ADAMTS20: variants seen among roughly 807,000 people sequenced by gnomAD.
ADAMTS20 encodes the protein ADAM metallopeptidase with thrombospondin type 1 motif 20, also known as A disintegrin and metalloproteinase with thrombospondin motifs 20.
Under a neutral mutation model 260.1 loss-of-function variants are expected in ADAMTS20, and 225 were observed. The observed-to-expected ratio is 0.87, with a 90% CI of 0.78 to 0.97. The LOEUF is 0.97. Ranked by LOEUF, ADAMTS20 falls within the 50% of genes least tolerant of loss-of-function variation. The probability of loss-of-function intolerance (pLI) is 0.00; values close to 1 mark genes in which losing one functional copy is unlikely to be tolerated. For missense variants in ADAMTS20, 2,400 were observed against 2,337.7 expected (o/e 1.03, Z -0.55); for synonymous variants, 802 against 769.5 (o/e 1.04, Z -0.70).
chr12:43,508,252 T>C (rs1942873669), intron 3 of ADAMTS20, among the ~76,000 whole-genome samples: 1 of 152,186 alleles, frequency 6.6e-6, no homozygotes, highest in Non-Finnish European at 1.5e-5. Flanking sequence ...TAAAAAAGCA[T>C]AAATTTTTAA....
intron 3 of ADAMTS20, among the ~76,000 whole-genome samples, chr12:43,513,076 T>G (rs1942947427): frequency 6.6e-6 from 1 of 152,134 alleles, no homozygotes; most frequent in Non-Finnish European, 1.5e-5. Context: ...GGCTTTTGGC[T>G]CTACTTAGAA....
At chr12:43,519,244 A>G (rs895499218) in intron 3 of ADAMTS20, among the ~76,000 whole-genome samples, 6 of 152,238 alleles carry the variant, frequency 3.9e-5, no homozygotes, top group Admixed American at 1.3e-4. Flanking sequence ...TTATGTATTC[A>G]TAATTTTCTA....
intron 36 of ADAMTS20, among the ~76,000 whole-genome samples, chr12:43,373,672 T>C (rs903068972): frequency 9.2e-5 from 3 of 32,754 alleles, no homozygotes; most frequent in East Asian, 3.1e-3. Flanking sequence ...TATCATCTCT[T>C]TTTTTTTTTT....
chr12:43,455,758 G>C (rs1345929852), intron 11 of ADAMTS20, among the ~76,000 whole-genome samples: 1 of 149,750 alleles, frequency 6.7e-6, no homozygotes, highest in African/African-American at 2.5e-5. Context: ...ACCCAGGCTA[G>C]AGTGCAGTGG....
At chr12:43,538,655 CAT>C (rs1363798456) in intron 2 of ADAMTS20, among the ~76,000 whole-genome samples, 2 of 152,144 alleles carry the variant, frequency 1.3e-5, no homozygotes, top group African/African-American at 4.8e-5. Context: ...TTTGAAGTAA[CAT>C]ATATTTTAAA....
At position 43,502,357 on chromosome 12, in the gene ADAMTS20, A is replaced by G. The variant is rs1942780900; in HGVS notation, c.662T>C (p.Met221Thr). Residue 221 changes from methionine to threonine, a missense_variant, in exon 4 of 39, where the codon ATG (methionine) becomes ACG (threonine). By Grantham distance (81) the Met-to-Thr change is moderately conservative. Transcript: ENST00000389420. ...TTTCATTACATTAAGATCTTCATTCATGTTGCTGTAGGTATGAAAGGGTAA... is the reference window on the plus strand; with the variant it reads ...TTTCATTACATTAAGATCTTCATTCGTGTTGCTGTAGGTATGAAAGGGTAA... Reference protein sequence around the residue: ...TSLPFHTYSNMNEDLNVMKER... With the variant: ...TSLPFHTYSNTNEDLNVMKER... 3 of 1,608,394 alleles carry G rather than the reference A, an allele frequency of 1.9e-6. No homozygotes were observed. The highest frequency in any genetic ancestry group is 2.5e-6 in the Non-Finnish European group (3 of 1,178,430).
rs572870973 is a variant in ADAMTS20 at position 43,439,809 on chromosome 12, A to G, written c.2464-58T>C. Reference sequence around the variant, plus strand: ...TACATAAAAATATATTCTTGACATCATTTTATATTTGATAATGTTAAGCAC... The same window carrying G: ...TACATAAAAATATATTCTTGACATCGTTTTATATTTGATAATGTTAAGCAC... On this transcript the variant is annotated intron_variant, in intron 17 of 38. Coordinates refer to ENST00000389420, the MANE Select transcript of ADAMTS20 (RefSeq NM_025003.5). The G allele has an allele frequency of 1.3e-4, 201 of 1,554,890 alleles. No homozygotes were observed. The African/African-American group carries it at 2.4e-3, about 19-fold the overall frequency.
chr12:43,375,035 G>A (rs1197749167), intron 36 of ADAMTS20, among the ~76,000 whole-genome samples: 1 of 152,122 alleles, frequency 6.6e-6, no homozygotes, highest in African/African-American at 2.4e-5. Flanking sequence ...AGCTGGGCAT[G>A]GTGGCGTGTG....
chr12:43,544,033 T>C (rs1592118228), intron 2 of ADAMTS20, among the ~76,000 whole-genome samples: 1 of 152,088 alleles, frequency 6.6e-6, no homozygotes, highest in Non-Finnish European at 1.5e-5. Context: ...CTGATAAATA[T>C]TTGCTGAAAA....
Position 43,399,194 on chromosome 12 carries a change from C to G in ADAMTS20, c.4324G>C (p.Val1442Leu). ...SCGKGRKYREVFCIDQFQRKL... is the reference protein window; with the variant it reads ...SCGKGRKYRELFCIDQFQRKL... Reference sequence around the variant, plus strand: ...CTTTGGAATTGGTCAATGCAAAACACTTCACGGTACTTTCTACCTTTACCA... The same window carrying G: ...CTTTGGAATTGGTCAATGCAAAACAGTTCACGGTACTTTCTACCTTTACCA... The change falls in exon 29 of 39, where the codon GTG (valine) becomes CTG (leucine). Residue 1442 changes from valine to leucine, a missense_variant. By Grantham distance (32) the Val-to-Leu change is conservative (BLOSUM62 1). Transcript: ENST00000389420. 6.3e-7 allele frequency: 1 copy of G among 1,577,584 alleles called. No individual in the cohort carries two copies. Among genetic ancestry groups the G allele is most frequent in the Non-Finnish European group, 8.6e-7 (1 of 1,161,674 alleles).
At chr12:43,368,163 G>C (rs1177203647) in intron 37 of ADAMTS20, among the ~76,000 whole-genome samples, 1 of 151,990 alleles carries the variant, frequency 6.6e-6, no homozygotes, top group African/African-American at 2.4e-5. Flanking sequence ...ATGTTTTACA[G>C]ACAGAAATTT....
intron 14 of ADAMTS20, among the ~76,000 whole-genome samples, chr12:43,451,023 C>A (rs1159332527): frequency 6.6e-6 from 1 of 152,114 alleles, no homozygotes; most frequent in African/African-American, 2.4e-5. Flanking sequence ...AATATGAAAT[C>A]AAACTAAGTG....
chr12:43,371,840 C>G (rs777835013), intron 36 of ADAMTS20, among the ~76,000 whole-genome samples: 14 of 152,182 alleles, frequency 9.2e-5, no homozygotes, highest in Non-Finnish European at 1.3e-4. Flanking sequence ...TTGTCCATAA[C>G]AGCATGCACA....
chr12:43,383,622 A>T lies in ADAMTS20; in HGVS notation c.4733T>A (p.Leu1578His). 6.2e-7 allele frequency: 1 copy of T among 1,613,234 alleles called. No homozygotes were observed. The highest frequency in any genetic ancestry group is 8.5e-7 in the Non-Finnish European group (1 of 1,179,340). ...EIVYNSSTISLTSKNCRNPPC... is the reference protein window; with the variant it reads ...EIVYNSSTISHTSKNCRNPPC... ...AGGGTTCCTGCAATTCTTGGATGTA[A>T]GAGATATGGTTGAAGAATTATAGAC... Residue 1578 changes from leucine (L) to histidine (H), a missense_variant, in exon 31 of 39, where the codon CTT (leucine) becomes CAT (histidine). By Grantham distance (99) the Leu-to-His change is moderately conservative (BLOSUM62 -3). Transcript: ENST00000389420.
intron 37 of ADAMTS20, among the ~76,000 whole-genome samples, chr12:43,356,881 C>T (rs1939757977): frequency 1.3e-5 from 2 of 152,176 alleles, no homozygotes; most frequent in Admixed American, 1.3e-4. Flanking sequence ...TGCTGTTTCA[C>T]CTATTTGACA....
At chr12:43,361,825 G>A (rs900280156) in intron 37 of ADAMTS20, among the ~76,000 whole-genome samples, 3 of 152,200 alleles carry the variant, frequency 2.0e-5, no homozygotes, top group South Asian at 4.2e-4. Flanking sequence ...TTTCCTATAA[G>A]AAAATTCATT....
intron 11 of ADAMTS20, 62 bp downstream of exon 11, chr12:43,462,833 G>T: frequency 7.4e-7 from 1 of 1,345,628 alleles, no homozygotes; most frequent in Non-Finnish European, 1.0e-6. Context: ...GTGCTAAAAT[G>T]CAGAGCAATC....
intron 29 of ADAMTS20, among the ~76,000 whole-genome samples, chr12:43,387,547 G>A (rs762934065): frequency 3.9e-5 from 6 of 152,328 alleles, no homozygotes; most frequent in African/African-American, 1.4e-4. Flanking sequence ...TCTCTTCAGA[G>A]CCAGCAGGCA....
At position 43,532,108 on chromosome 12, in the gene ADAMTS20, T is replaced by C. The variant is rs777799719; in HGVS notation, c.541A>G (p.Lys181Glu). The change falls in exon 3 of 39, where the codon AAG becomes GAG. Residue 181 changes from lysine (K) to glutamate (E), a missense_variant. By Grantham distance (56) the Lys-to-Glu change is moderately conservative. Coordinates refer to ENST00000389420, the MANE Select transcript of ADAMTS20 (RefSeq NM_025003.5). The stretch of plus-strand genomic sequence containing the variant: ...TCTTGTCTGTATATAAGATGTGGCT[T>C]GTTGTGACCATCTTCATATTCATTC... Reference protein sequence around the residue: ...DGNEYEDGHNKPHLIYRQDLN... With the variant: ...DGNEYEDGHNEPHLIYRQDLN... 1 of 1,612,614 alleles carries C rather than the reference T, an allele frequency of 6.2e-7. No individual in the cohort carries two copies. Among genetic ancestry groups the C allele is most frequent in the Non-Finnish European group, 8.5e-7 (1 of 1,179,228 alleles).
Sources: allele counts gnomAD v4.1 joint callset (sites outside exome capture counted in the v4.1 genomes callset), GRCh38; gene constraint gnomAD v4.1.1; transcripts MANE v1.5; gene names NCBI Gene and HGNC (gene_info 2026-07-23, HGNC 2026-07-21).